The following AANAT variants were observed in gnomAD, a reference collection of about 807,000 sequenced individuals.
AANAT encodes aralkylamine N-acetyltransferase, also known as serotonin N-acetyltransferase.
A neutral mutation model predicts 15.6 loss-of-function variants in AANAT; 11 were observed. That is an observed-to-expected ratio of 0.71 (90% confidence interval 0.44 to 1.17). AANAT has a LOEUF of 1.17. AANAT is among the 50% of genes most tolerant of loss of function. The pLI is 0.00. For synonymous variants in AANAT, 139 were observed against 131.5 expected (o/e 1.06, Z -0.39); for missense variants, 286 against 296.3 (o/e 0.97, Z 0.26).
chr17:76,460,937 G>A (rs1290990120), intron 2 of AANAT, among the ~76,000 whole-genome samples: 1 of 152,126 alleles, frequency 6.6e-6, no homozygotes. Context: ...GGCTGAGGGG[G>A]GCAGATTGTT....
In AANAT at chr17:76,469,806, C is replaced by A; in HGVS notation, c.460C>A (p.Arg154Ser). The A allele has an allele frequency of 1.2e-6, 2 of 1,601,942 alleles. No individual in the cohort carries two copies. The highest frequency in any genetic ancestry group is 2.3e-5 in the East Asian group (1 of 44,382). Reference sequence around the variant, plus strand: ...CCACCTGGGCAGCCAGCCGGCCGTGCGCCGGGCCGCGCTCATGTGCGAGGA... The same window carrying A: ...CCACCTGGGCAGCCAGCCGGCCGTGAGCCGGGCCGCGCTCATGTGCGAGGA... ...LHHLGSQPAVRRAALMCEDAL... is the reference protein window; with the variant it reads ...LHHLGSQPAVSRAALMCEDAL... The change falls in exon 4 of 4, where the codon CGC becomes AGC. Residue 154 changes from arginine to serine, a missense_variant. Physicochemically the swap from Arg to Ser is moderately radical, Grantham distance 110. Transcript: ENST00000392492. This position sits in a 1 kb window ranked among gnomAD's most constrained non-coding sequence, Gnocchi z 5.2.
intron 2 of AANAT, among the ~76,000 whole-genome samples, chr17:76,461,739 G>C (rs2143967462): frequency 6.6e-6 from 1 of 152,176 alleles, no homozygotes; most frequent in South Asian, 2.1e-4. Flanking sequence ...GGACTGGGGG[G>C]CTGGATGGCT....
chr17:76,456,641 C>T (rs2073346107), intron 1 of AANAT, among the ~76,000 whole-genome samples: 1 of 152,194 alleles, frequency 6.6e-6, no homozygotes, highest in African/African-American at 2.4e-5. Context: ...ACTCCCTCTC[C>T]TGTAGAGACC....
At chr17:76,464,713 T>C (rs1457928449), upstream of AANAT, among the ~76,000 whole-genome samples, 2 of 150,054 alleles carry the variant, frequency 1.3e-5, no homozygotes, top group Non-Finnish European at 3.0e-5. Context: ...ATTTCTGTGG[T>C]TTACAGTCAT....
At chr17:76,463,309 C>T (rs866131433), upstream of AANAT, among the ~76,000 whole-genome samples, 8 of 111,978 alleles carry the variant, frequency 7.1e-5, no homozygotes, top group South Asian at 3.0e-4. Flanking sequence ...GGAAGGATTC[C>T]TTTTTTTTTT....
chr17:76,462,829 C>T (rs1280420115), upstream of AANAT, among the ~76,000 whole-genome samples: 1 of 152,224 alleles, frequency 6.6e-6, no homozygotes, highest in African/African-American at 2.4e-5. Flanking sequence ...GCACAAGAGC[C>T]TGAAGAGAGG....
rs200854347 is a variant in AANAT at position 76,469,807 on chromosome 17, G to A, written c.461G>A (p.Arg154His). 1.4e-4 allele frequency: 223 copies of A among 1,602,234 alleles called. 1 individual carries two copies. The highest frequency in any genetic ancestry group is 5.2e-4 in the South Asian group (46 of 89,308). Residue 154 changes from arginine to histidine, a missense_variant, in exon 4 of 4, where the codon CGC becomes CAC. By Grantham distance (29) the Arg-to-His change is conservative. Coordinates refer to ENST00000392492, the MANE Select transcript of AANAT (RefSeq NM_001088.3). This position sits in a 1 kb window ranked among gnomAD's most constrained non-coding sequence, Gnocchi z 5.2. ...LHHLGSQPAVRRAALMCEDAL... is the reference protein window; with the variant it reads ...LHHLGSQPAVHRAALMCEDAL... ...CACCTGGGCAGCCAGCCGGCCGTGC[G>A]CCGGGCCGCGCTCATGTGCGAGGAC...
rs143126252 is a variant in AANAT, at chr17:76,455,086, C to T, written c.-576+1304C>T. ...AGGTTGTAGTGAGCCTAGATCGCGC[C>T]GCTGCACTCCAGCCTGGGCGACAGA... On this transcript the variant is annotated intron_variant, in intron 1 of 6. Transcript: ENST00000250615. Among the ~76,000 whole-genome samples the T allele has an allele frequency of 9.5e-3, 1,449 of 152,138 alleles. 14 individuals carry two copies. The highest frequency in any genetic ancestry group is 0.027 in the Middle Eastern group (8 of 294).
intron 1 of AANAT, among the ~76,000 whole-genome samples, chr17:76,459,003 T>C (rs2073363862): frequency 6.6e-6 from 1 of 152,218 alleles, no homozygotes; most frequent in Non-Finnish European, 1.5e-5. Flanking sequence ...TTCTCATTCC[T>C]GGAGCCTCAC....
At chr17:76,466,375 G>A, upstream of AANAT, 1 of 573,346 alleles carries the variant, frequency 1.7e-6, no homozygotes, top group Middle Eastern at 4.8e-4. Flanking sequence ...CCTGGGAGAA[G>A]GGGACCCAGA....
In AANAT at chr17:76,470,113, C is replaced by T; in HGVS notation, c.*143C>T. On this transcript the variant is annotated 3_prime_UTR_variant, in exon 4 of 4. Transcript: ENST00000392492. The stretch of plus-strand genomic sequence containing the variant: ...GAGGAGATAAGGTGGCTTCTCACGG[C>T]CTGAGCTGGAGTGGTGTGTCTTGTC... 1.1e-6 allele frequency: 1 copy of T among 920,904 alleles called. No individual in the cohort carries two copies. Among genetic ancestry groups the T allele is most frequent in the South Asian group, 2.1e-5 (1 of 46,766 alleles). 57.0% of individuals were successfully genotyped at this position (920,904 alleles called of 1,614,324 possible).
intron 1 of AANAT, among the ~76,000 whole-genome samples, chr17:76,457,998 T>C (rs2073355553): frequency 6.6e-6 from 1 of 152,192 alleles, no homozygotes; most frequent in Admixed American, 6.5e-5. Flanking sequence ...ATTGTGCCAC[T>C]GCACTTCAGC....
chr17:76,462,147 G>A (rs930793232), intron 2 of AANAT, among the ~76,000 whole-genome samples: 3 of 152,272 alleles, frequency 2.0e-5, no homozygotes, highest in African/African-American at 7.2e-5. Context: ...GTGAAGTGCT[G>A]GGTCGGCTAA....
chr17:76,460,387 G>A (rs969632683), intron 2 of AANAT, among the ~76,000 whole-genome samples: 1 of 151,834 alleles, frequency 6.6e-6, no homozygotes, highest in Admixed American at 6.6e-5. Flanking sequence ...CCTGACCTCA[G>A]GTGATCCACC....
chr17:76,469,169 A>G lies in AANAT; in HGVS notation c.164-4A>G. 3.1e-6 allele frequency: 5 copies of G among 1,614,040 alleles called. No homozygotes were observed. The highest frequency in any genetic ancestry group is 2.5e-6 in the Non-Finnish European group (3 of 1,179,970). ...CAGTCACCCACCTGAGCCTCCTGCC[A>G]CAGCCTTCATCTCCGTCTTGGGCGT... is the stretch of plus-strand genomic sequence containing the variant. On this transcript the variant is annotated splice_region_variant and splice_polypyrimidine_tract_variant and intron_variant, in intron 2 of 3. Transcript: ENST00000392492. This position sits in a 1 kb window ranked among gnomAD's most constrained non-coding sequence, Gnocchi z 5.2.
In AANAT at chr17:76,469,618, C is replaced by T. The variant is rs559105352; in HGVS notation, c.319-47C>T. The T allele has an allele frequency of 2.7e-5, 38 of 1,429,092 alleles. No homozygotes were observed. Among genetic ancestry groups the T allele is most frequent in the African/African-American group, 5.7e-5 (4 of 69,592 alleles). The allele number at this position is 1,429,092 out of a possible 1,614,324, so 88.5% of individuals were successfully genotyped here. A position where few individuals can be genotyped will look rare whatever the true frequency, so the allele number is the denominator to read the frequency against. On this transcript the variant is annotated intron_variant, in intron 3 of 3. Coordinates refer to ENST00000392492, the MANE Select transcript of AANAT (RefSeq NM_001088.3). The surrounding 1 kb of genome is among the most constrained non-coding windows in gnomAD (Gnocchi z 5.2). ...CTGGGTTGGTGGTTGGGGGGGAGCACGTGTCAGCAGAAGTGACCTGGGATC... is the reference window on the plus strand; with the variant it reads ...CTGGGTTGGTGGTTGGGGGGGAGCATGTGTCAGCAGAAGTGACCTGGGATC...
At chr17:76,454,470 G>A (rs1451646607) in intron 1 of AANAT, among the ~76,000 whole-genome samples, 4 of 151,720 alleles carry the variant, frequency 2.6e-5, no homozygotes, top group Non-Finnish European at 5.9e-5. Context: ...GGGCAACAGA[G>A]CAAGACTCTG....
At chr17:76,465,661 C>G (rs1182524763), upstream of AANAT, among the ~76,000 whole-genome samples, 1 of 151,570 alleles carries the variant, frequency 6.6e-6, no homozygotes. Flanking sequence ...CTCTCTGTAC[C>G]CATCACCCTG....
chr17:76,469,607 G>C lies in AANAT; in HGVS notation c.319-58G>C. 7.1e-7 allele frequency: 1 copy of C among 1,417,060 alleles called. No homozygotes were observed. Among genetic ancestry groups the C allele is most frequent in the Non-Finnish European group, 9.2e-7 (1 of 1,084,450 alleles). The allele number at this position is 1,417,060 out of a possible 1,614,324, so 87.8% of individuals were successfully genotyped here. A position where few individuals can be genotyped will look rare whatever the true frequency, so the allele number is the denominator to read the frequency against. ...CTGCTCCCTGCCTGGGTTGGTGGTT[G>C]GGGGGGAGCACGTGTCAGCAGAAGT... On this transcript the variant is annotated intron_variant, in intron 3 of 3. Coordinates refer to ENST00000392492, the MANE Select transcript of AANAT (RefSeq NM_001088.3). The surrounding 1 kb of genome is among the most constrained non-coding windows in gnomAD (Gnocchi z 5.2).
Sources: gnomAD v4.1 joint callset for allele counts (sites outside exome capture counted in the v4.1 genomes callset) on GRCh38, gnomAD v4.1.1 for gene constraint, Gnocchi (gnomAD v3.1) non-coding constraint, MANE v1.5 for transcripts, NCBI Gene and HGNC (gene_info 2026-07-23, HGNC 2026-07-21) for gene names.